Variants in TMEM132D observed in about 807,000 individuals in gnomAD.
The protein encoded by TMEM132D is mature OL transmembrane protein.
In TMEM132D, 21 loss-of-function variants were observed where a neutral mutation model predicts 62.3. The observed-to-expected ratio is 0.34, with a 90% CI of 0.24 to 0.49. The LOEUF (loss-of-function observed/expected upper bound fraction) is 0.49. Among genes scored for constraint, TMEM132D ranks in the 20% least tolerant of loss-of-function variants. TMEM132D has a pLI of 0.99. For missense variants in TMEM132D, 1,346 were observed against 1,402.8 expected, an observed-to-expected ratio of 0.96 and a Z score of 0.65; for synonymous variants, 621 against 575.6, an observed-to-expected ratio of 1.08 and a Z score of -1.13.
chr12:129,470,446 T>C (rs1874060110), intron 3 of TMEM132D, among the ~76,000 whole-genome samples: 1 of 152,198 alleles, frequency 6.6e-6, no homozygotes, highest in South Asian at 2.1e-4. Flanking sequence ...AAGCCCTCCC[T>C]ACTTTGCGCC....
chr12:129,525,329 G>A (rs1268506215), intron 3 of TMEM132D, among the ~76,000 whole-genome samples: 4 of 137,576 alleles, frequency 2.9e-5, no homozygotes, highest in Non-Finnish European at 6.1e-5. Context: ...CCCTAATGCA[G>A]AAGTTATTAA....
intron 5 of TMEM132D, among the ~76,000 whole-genome samples, chr12:129,133,159 T>A (rs1016548729): frequency 2.0e-5 from 3 of 151,576 alleles, no homozygotes; most frequent in Non-Finnish European, 4.4e-5. Flanking sequence ...CAGATCTGCA[T>A]CTATTTTTTT....
intron 2 of TMEM132D, among the ~76,000 whole-genome samples, chr12:129,671,648 T>A (rs1330882538): frequency 6.6e-6 from 1 of 151,632 alleles, no homozygotes; most frequent in East Asian, 1.9e-4. Flanking sequence ...GAAGGGTACA[T>A]GATGAGAGGT....
chr12:129,875,096 C>T (rs115895852), intron 1 of TMEM132D, among the ~76,000 whole-genome samples: 1,841 of 152,370 alleles, frequency 0.012, 34 homozygotes, highest in African/African-American at 0.041. Context: ...GTACAGACAT[C>T]GGCTTACATG....
In TMEM132D at chr12:129,525,226, G is replaced by GGTTTTTTT. The variant is rs1336461549; in HGVS notation, c.1115+5832_1115+5833insAAAAAAAC. Among the ~76,000 whole-genome samples the GGTTTTTTT allele has an allele frequency of 1.3e-4, 9 of 67,392 alleles. 4 individuals are homozygous for GGTTTTTTT. Among genetic ancestry groups the GGTTTTTTT allele is most frequent in the Non-Finnish European group, 1.4e-4 (5 of 34,754 alleles). 44.2% of individuals were successfully genotyped at this position (67,392 alleles called of 152,430 possible). ...GGGTATGAGCCACGGTGCCCAGCCG[G>GGTTTTTTT]TTTTTTTTTTTTTTTTTTTTTTTTT... On this transcript the variant is annotated intron_variant, in intron 3 of 8. Coordinates refer to ENST00000422113, the MANE Select transcript of TMEM132D (RefSeq NM_133448.3).
At chr12:129,843,090 A>C (rs143675919) in intron 1 of TMEM132D, among the ~76,000 whole-genome samples, 4 of 152,226 alleles carry the variant, frequency 2.6e-5, no homozygotes, top group African/African-American at 9.6e-5. Flanking sequence ...AATGTTACGA[A>C]TATAGTATAT....
chr12:129,484,956 G>C (rs1297831351), intron 3 of TMEM132D, among the ~76,000 whole-genome samples: 1 of 152,186 alleles, frequency 6.6e-6, no homozygotes, highest in African/African-American at 2.4e-5. Flanking sequence ...AGAGGACTCT[G>C]TTTCTTCACA....
intron 5 of TMEM132D, among the ~76,000 whole-genome samples, chr12:129,140,460 A>T (rs1317191138): frequency 6.6e-6 from 1 of 152,096 alleles, no homozygotes; most frequent in Non-Finnish European, 1.5e-5. Context: ...CTGTCATGGT[A>T]GTTTTATTCT....
At chr12:129,644,341 T>C (rs1441355577) in intron 2 of TMEM132D, among the ~76,000 whole-genome samples, 1 of 152,184 alleles carries the variant, frequency 6.6e-6, no homozygotes, top group Non-Finnish European at 1.5e-5. Flanking sequence ...TCTTCGCTTC[T>C]TCAAGTCCCT....
chr12:129,114,664 C>T (rs1395996930), intron 5 of TMEM132D, among the ~76,000 whole-genome samples: 1 of 152,288 alleles, frequency 6.6e-6, no homozygotes, highest in African/African-American at 2.4e-5. Flanking sequence ...CCCTCGCATG[C>T]CCCTGCAGCC....
At chr12:129,769,002 A>G (rs1870643471) in intron 1 of TMEM132D, among the ~76,000 whole-genome samples, 1 of 152,216 alleles carries the variant, frequency 6.6e-6, no homozygotes, top group Non-Finnish European at 1.5e-5. Flanking sequence ...GCCCACATCA[A>G]GTACAGTAGG....
intron 4 of TMEM132D, among the ~76,000 whole-genome samples, chr12:129,289,151 C>T (rs570254563): frequency 1.4e-4 from 21 of 152,094 alleles, no homozygotes; most frequent in East Asian, 5.8e-4. Flanking sequence ...GTTTAAGTTA[C>T]GTAAAGTGAA....
chr12:129,770,867 A>C (rs1351843957), intron 1 of TMEM132D, among the ~76,000 whole-genome samples: 1 of 152,238 alleles, frequency 6.6e-6, no homozygotes, highest in African/African-American at 2.4e-5. Context: ...CCGAATGTGT[A>C]CTGCTTTTGC....
intron 3 of TMEM132D, among the ~76,000 whole-genome samples, chr12:129,515,553 G>A (rs987923385): frequency 1.3e-5 from 2 of 152,150 alleles, no homozygotes; most frequent in African/African-American, 2.4e-5. Context: ...TGCAGAAGCA[G>A]AAGCAGCAGC....
At chr12:129,535,306 C>A (rs1312954373) in intron 2 of TMEM132D, among the ~76,000 whole-genome samples, 1 of 152,220 alleles carries the variant, frequency 6.6e-6, no homozygotes, top group Non-Finnish European at 1.5e-5. Flanking sequence ...CATGGCCACA[C>A]CTGACTGCAA....
At chr12:129,324,831 A>C (rs1028853597) in intron 4 of TMEM132D, among the ~76,000 whole-genome samples, 2 of 151,844 alleles carry the variant, frequency 1.3e-5, no homozygotes, top group Non-Finnish European at 2.9e-5. Flanking sequence ...CCATCTCAAG[A>C]AAAAAAGAAA....
intron 1 of TMEM132D, chr12:129,852,189 A>G (rs1873565247): frequency 6.6e-6 from 1 of 152,242 alleles, no homozygotes; most frequent in Non-Finnish European, 1.5e-5. Flanking sequence ...GGGAGAGAGG[A>G]TGCAGAAGAG....
chr12:129,630,770 A>T (rs956332157), intron 2 of TMEM132D, among the ~76,000 whole-genome samples: 1 of 152,152 alleles, frequency 6.6e-6, no homozygotes, highest in African/African-American at 2.4e-5. Context: ...AACTTGTGTC[A>T]TGAGGATTTA....
intron 3 of TMEM132D, among the ~76,000 whole-genome samples, chr12:129,473,709 T>C (rs1200249135): frequency 6.6e-6 from 1 of 152,218 alleles, no homozygotes; most frequent in Non-Finnish European, 1.5e-5. Context: ...AACTATAGAA[T>C]AGTGTAAACA....
Sources: allele counts gnomAD v4.1 joint callset (sites outside exome capture counted in the v4.1 genomes callset), GRCh38; gene constraint gnomAD v4.1.1; transcripts MANE v1.5; gene names NCBI Gene and HGNC (gene_info 2026-07-23, HGNC 2026-07-21).